Variants in SLC4A10 observed in about 807,000 individuals in gnomAD.
SLC4A10 encodes solute carrier family 4 member 10, also known as sodium-driven chloride bicarbonate exchanger.
A neutral mutation model predicts 137.7 loss-of-function variants in SLC4A10; 42 were observed. That is an observed-to-expected ratio of 0.30 (90% CI 0.24 to 0.39). SLC4A10 has a LOEUF of 0.39. SLC4A10 is among the 10% of genes least tolerant of loss of function. The probability of loss-of-function intolerance (pLI) is 1.00; values close to 1 mark genes in which losing one functional copy is unlikely to be tolerated. For synonymous variants in SLC4A10, 474 were observed against 464.1 expected (o/e 1.02, Z -0.27); for missense variants, 925 against 1,355.0 (o/e 0.68, Z 4.98).
chr2:161,706,199 G>A (rs1018866831), intron 1 of SLC4A10, among the ~76,000 whole-genome samples: 4 of 151,332 alleles, frequency 2.6e-5, no homozygotes, highest in Non-Finnish European at 5.9e-5. Context: ...GTGCTTACAA[G>A]AAAACACTGA....
rs549488792 is a variant in SLC4A10, at chr2:161,794,858, G to A, written c.131-9591G>A. On this transcript the variant is annotated intron_variant, in intron 2 of 26. Transcript: ENST00000446997. ...TGAACATAAAGTTAGGAAGAGATGC[G>A]TGTAACTGGCACTGGTGAGCTGGGG... 6.3e-4 allele frequency among the ~76,000 whole-genome samples: 96 copies of A among 152,082 alleles called. 2 individuals carry two copies. The South Asian group carries it at 0.019, about 30-fold the overall frequency.
intron 2 of SLC4A10, among the ~76,000 whole-genome samples, chr2:161,779,942 C>A (rs148405454): frequency 1.0e-3 from 159 of 152,142 alleles, no homozygotes; most frequent in Non-Finnish European, 1.8e-3. Context: ...TGCTTTTGCA[C>A]TACAATGGTA....
rs143092464 is a variant in SLC4A10 at position 161,887,264 on chromosome 2, G to C, written c.1194+4820G>C. Among the ~76,000 whole-genome samples, 563 of 152,188 alleles carry C rather than the reference G, an allele frequency of 3.7e-3. 7 individuals are homozygous for C. The highest frequency in any genetic ancestry group is 0.013 in the African/African-American group (543 of 41,528). On this transcript the variant is annotated intron_variant, in intron 10 of 26. Transcript: ENST00000446997. ...CTGAAATAAATATACGCAGTAGTAC[G>C]TTTATATCTTTATAGTAGAACGTAT...
intron 12 of SLC4A10, among the ~76,000 whole-genome samples, 166 bp from the exon 13 acceptor site, chr2:161,903,838 A>T (rs995120009): frequency 1.3e-5 from 2 of 152,200 alleles, no homozygotes; most frequent in African/African-American, 4.8e-5. Flanking sequence ...GTAGTTGTGC[A>T]GTGCCTCCCT....
intron 15 of SLC4A10, among the ~76,000 whole-genome samples, chr2:161,919,676 C>G (rs1241693745): frequency 6.6e-6 from 1 of 152,182 alleles, no homozygotes; most frequent in Non-Finnish European, 1.5e-5. Context: ...TGTTCACCCT[C>G]TAGTTGTCTG....
At chr2:161,693,275 C>A (rs1176666747) in intron 1 of SLC4A10, among the ~76,000 whole-genome samples, 1 of 152,030 alleles carries the variant, frequency 6.6e-6, no homozygotes, top group Non-Finnish European at 1.5e-5. Flanking sequence ...TCAGGAATTC[C>A]AGAACTACTG....
chr2:161,918,502 G>A (rs1687534792), intron 15 of SLC4A10, among the ~76,000 whole-genome samples: 2 of 151,890 alleles, frequency 1.3e-5, no homozygotes, highest in South Asian at 4.2e-4. Flanking sequence ...AAGAATAGAG[G>A]GATTTAAAAC....
At chr2:161,762,632 G>T (rs2050372816) in intron 1 of SLC4A10, among the ~76,000 whole-genome samples, 1 of 151,912 alleles carries the variant, frequency 6.6e-6, no homozygotes, top group South Asian at 2.1e-4. Flanking sequence ...GTAATAAGAT[G>T]AATAAGAAAA....
intron 10 of SLC4A10, among the ~76,000 whole-genome samples, chr2:161,884,921 T>G (rs1246427905): frequency 2.6e-5 from 4 of 151,200 alleles, no homozygotes; most frequent in Non-Finnish European, 5.9e-5. Context: ...CTTACATCTG[T>G]AATCCCAGCA....
At chr2:161,847,287 A>C (rs2059562976) in intron 4 of SLC4A10, among the ~76,000 whole-genome samples, 1 of 139,524 alleles carries the variant, frequency 7.2e-6, no homozygotes, top group African/African-American at 3.0e-5. Flanking sequence ...ACACACACAT[A>C]CACACACACA....
chr2:161,923,668 C>G (rs1442668176), intron 15 of SLC4A10, among the ~76,000 whole-genome samples: 1 of 150,056 alleles, frequency 6.7e-6, no homozygotes, highest in Admixed American at 6.7e-5. Flanking sequence ...ACACCGGGGC[C>G]TGTTGTGGGG....
intron 1 of SLC4A10, among the ~76,000 whole-genome samples, chr2:161,679,247 T>C (rs1238786319): frequency 6.6e-6 from 1 of 152,180 alleles, no homozygotes; most frequent in African/African-American, 2.4e-5. Flanking sequence ...TTCAAGCTTA[T>C]CATGTTTAAT....
intron 1 of SLC4A10, among the ~76,000 whole-genome samples, chr2:161,764,411 G>A (rs2050583106): frequency 1.3e-5 from 2 of 152,048 alleles, no homozygotes; most frequent in African/African-American, 4.8e-5. Flanking sequence ...AGAGTAGAAT[G>A]ACAGGGTTAG....
At chr2:161,716,369 A>G (rs150836873) in intron 1 of SLC4A10, among the ~76,000 whole-genome samples, 1 of 152,074 alleles carries the variant, frequency 6.6e-6, no homozygotes, top group African/African-American at 2.4e-5. Context: ...TTTTGTTGCA[A>G]TTGCTTTTGA....
intron 5 of SLC4A10, among the ~76,000 whole-genome samples, chr2:161,860,500 A>G (rs2125881837): frequency 6.6e-6 from 1 of 152,290 alleles, no homozygotes; most frequent in East Asian, 1.9e-4. Flanking sequence ...CTAATAACCT[A>G]CTTTACAACT....
At chr2:161,911,043 AT>A (rs1398738928) in intron 15 of SLC4A10, among the ~76,000 whole-genome samples, 1 of 151,950 alleles carries the variant, frequency 6.6e-6, no homozygotes, top group African/African-American at 2.4e-5. Flanking sequence ...TATGTAAAAA[AT>A]AAAATATGTA....
At chr2:161,916,342 GA>G (rs1687112774) in intron 15 of SLC4A10, among the ~76,000 whole-genome samples, 1 of 152,154 alleles carries the variant, frequency 6.6e-6, no homozygotes, top group South Asian at 2.1e-4. Context: ...CACACATCCA[GA>G]TTTCCTAGCA....
chr2:161,910,290 T>C (rs1685521659), intron 15 of SLC4A10, among the ~76,000 whole-genome samples: 1 of 152,148 alleles, frequency 6.6e-6, no homozygotes. Context: ...GACCTTATAT[T>C]TGAAAATATA....
intron 1 of SLC4A10, among the ~76,000 whole-genome samples, chr2:161,711,460 A>C (rs1420445506): frequency 6.6e-6 from 1 of 151,828 alleles, no homozygotes; most frequent in Non-Finnish European, 1.5e-5. Flanking sequence ...GGTTCTGAGA[A>C]AGCGGATCAG....
Sources: allele counts gnomAD v4.1 joint callset (sites outside exome capture counted in the v4.1 genomes callset), GRCh38; gene constraint gnomAD v4.1.1; transcripts MANE v1.5; gene names NCBI Gene and HGNC (gene_info 2026-07-23, HGNC 2026-07-21).